ACAD10: variants seen among roughly 807,000 people sequenced by gnomAD.
The protein encoded by ACAD10 is acyl-CoA dehydrogenase family member 10.
Under a neutral mutation model 116.8 loss-of-function variants are expected in ACAD10, and 112 were observed. The observed-to-expected ratio is 0.96, with a 90% CI of 0.82 to 1.12. ACAD10 has a LOEUF of 1.12. Among genes scored for constraint, ACAD10 ranks in the 50% most tolerant of loss-of-function variants. ACAD10 has a pLI of 0.00. For missense variants in ACAD10, 1,259 were observed against 1,350.2 expected, an observed-to-expected ratio of 0.93 and a Z score of 1.06; for synonymous variants, 486 against 510.6, an observed-to-expected ratio of 0.95 and a Z score of 0.65.
chr12:111,721,732 G>T lies in ACAD10; in HGVS notation c.1054G>T (p.Asp352Tyr). The change falls in exon 8 of 21, where the codon GAT becomes TAT. Residue 352 changes from aspartate (D) to tyrosine (Y), a missense_variant. Coordinates refer to ENST00000313698, the MANE Select transcript of ACAD10 (RefSeq NM_025247.6). Reference protein sequence around the residue: ...PVPNVLDLCEDSSVIGTPFYV... With the variant: ...PVPNVLDLCEYSSVIGTPFYV... ...CCCTAACGTTCTTGATCTCTGTGAAGATTCAAGGTAAAGTTCAGATGTTTT... is the reference window on the plus strand; with the variant it reads ...CCCTAACGTTCTTGATCTCTGTGAATATTCAAGGTAAAGTTCAGATGTTTT... 6.3e-7 allele frequency: 1 copy of T among 1,596,684 alleles called. No homozygotes were observed. The highest frequency in any genetic ancestry group is 1.1e-5 in the South Asian group (1 of 89,470).
At chr12:111,755,337 C>A (rs1198052962) in intron 19 of ACAD10, among the ~76,000 whole-genome samples, 4 of 152,170 alleles carry the variant, frequency 2.6e-5, no homozygotes, top group Non-Finnish European at 5.9e-5. Context: ...AACTCCTGAC[C>A]TCAGGTGATC....
intron 7 of ACAD10, 73 bp from the exon 8 acceptor site, chr12:111,721,598 C>T: frequency 7.2e-7 from 1 of 1,386,704 alleles, no homozygotes; most frequent in Non-Finnish European, 1.0e-6. Context: ...AAACAAAAAA[C>T]AAAGAAAAGT....
chr12:111,706,094 T>A (rs1593021741), intron 4 of ACAD10, among the ~76,000 whole-genome samples, 162 bp downstream of exon 4: 1 of 152,340 alleles, frequency 6.6e-6, no homozygotes, highest in African/African-American at 2.4e-5. Context: ...ACAGACCCTT[T>A]AAGATATCAC....
At chr12:111,711,422 C>T (rs539009829) in intron 5 of ACAD10, among the ~76,000 whole-genome samples, 1 of 151,922 alleles carries the variant, frequency 6.6e-6, no homozygotes, top group South Asian at 2.1e-4. Context: ...AGGATGGTCT[C>T]GATCTCTCGA....
In ACAD10 at chr12:111,711,354, C is replaced by T. The variant is rs377291838; in HGVS notation, c.691-1144C>T. On this transcript the variant is annotated intron_variant, in intron 5 of 20. Coordinates refer to ENST00000313698, the MANE Select transcript of ACAD10 (RefSeq NM_025247.6). The stretch of plus-strand genomic sequence containing the variant: ...TAGCTGGGACTACAGGCATCCACTA[C>T]CACGCCCAGCTAATTTTTTTGTATT... 3.0e-4 allele frequency among the ~76,000 whole-genome samples: 44 copies of T among 146,250 alleles called. No individual in the cohort carries two copies. The East Asian group carries it at 3.3e-3, about 11-fold the overall frequency.
chr12:111,711,866 T>C (rs1259997416), intron 5 of ACAD10, among the ~76,000 whole-genome samples: 1 of 152,250 alleles, frequency 6.6e-6, no homozygotes, highest in Non-Finnish European at 1.5e-5. Context: ...ATGTATTTTA[T>C]GTTTTTAGTT....
rs371833332 is a variant in ACAD10, at chr12:111,747,194, G to C, written c.2394+8G>C. The C allele has an allele frequency of 6.2e-7, 1 of 1,607,898 alleles. No homozygotes were observed. The highest frequency in any genetic ancestry group is 1.3e-5 in the African/African-American group (1 of 74,824). ...GCTATGACCGAGCCCCAGGTACGTC[G>C]CCTGGGCTGCCACCCACTTGCCTGG... On this transcript the variant is annotated splice_region_variant and intron_variant, in intron 15 of 20. Coordinates refer to ENST00000313698, the MANE Select transcript of ACAD10 (RefSeq NM_025247.6).
At chr12:111,689,689 T>G (rs961055484) in intron 1 of ACAD10, among the ~76,000 whole-genome samples, 26 of 151,646 alleles carry the variant, frequency 1.7e-4, no homozygotes, top group African/African-American at 5.8e-4. Context: ...TGTGTGTTTG[T>G]TTTGTTTTGT....
Position 111,747,155 on chromosome 12 carries a change from C to A in ACAD10, c.2363C>A (p.Ala788Asp). The A allele has an allele frequency of 6.2e-7, 1 of 1,612,470 alleles. No homozygotes were observed. Among genetic ancestry groups the A allele is most frequent in the South Asian group, 1.1e-5 (1 of 90,938 alleles). Reference sequence around the variant, plus strand: ...CTGATTCCTCTGCTGGAGGGGAAAGCCCGCTCCTGTTTTGCTATGACCGAG... The same window carrying A: ...CTGATTCCTCTGCTGGAGGGGAAAGACCGCTCCTGTTTTGCTATGACCGAG... The part of the protein sequence containing the change: ...RWLIPLLEGK[A>D]RSCFAMTEPQ... The change falls in exon 15 of 21, where the codon GCC (alanine) becomes GAC (aspartate). Residue 788 changes from alanine to aspartate, a missense_variant. Physicochemically the swap from Ala to Asp is moderately radical, Grantham distance 126. Coordinates refer to ENST00000313698, the MANE Select transcript of ACAD10 (RefSeq NM_025247.6).
intron 8 of ACAD10, among the ~76,000 whole-genome samples, chr12:111,726,905 C>G (rs1215743613): frequency 6.6e-6 from 1 of 150,870 alleles, no homozygotes; most frequent in African/African-American, 2.4e-5. Context: ...CAGGGTCACT[C>G]TTCAACTAAG....
At position 111,686,065 on chromosome 12, in the gene ACAD10, G is replaced by A. The variant is rs1166755097; in HGVS notation, c.-188G>A. The A allele has an allele frequency of 8.4e-6, 2 of 239,314 alleles. No individual in the cohort carries two copies. Among genetic ancestry groups the A allele is most frequent in the African/African-American group, 4.5e-5 (2 of 44,156 alleles). 14.8% of individuals were successfully genotyped at this position (239,314 alleles called of 1,614,324 possible). A position where few individuals can be genotyped will look rare whatever the true frequency, so the allele number is the denominator to read the frequency against. On this transcript the variant is annotated 5_prime_UTR_variant, in exon 1 of 21. Transcript: ENST00000313698. Reference sequence around the variant, plus strand: ...GCAGGGGTCACCCACTGCTCTTCCGGACGCAATTTTGAGGAGGTCGGAGCG... The same window carrying A: ...GCAGGGGTCACCCACTGCTCTTCCGAACGCAATTTTGAGGAGGTCGGAGCG...
intron 8 of ACAD10, among the ~76,000 whole-genome samples, chr12:111,727,352 G>A (rs1186559005): frequency 6.6e-6 from 1 of 151,896 alleles, no homozygotes; most frequent in Non-Finnish European, 1.5e-5. Context: ...GTGAAATCCT[G>A]TCTCTACTCA....
chr12:111,702,208 C>A lies in ACAD10; in HGVS notation c.234C>A (p.Ala78=), dbSNP rs769670356. ...TCCCTTCTGGAACTATATTAAAGGC[C>A]TTGATGGAAGGTGGTGAAAATGGGC... The part of the protein sequence containing the change: ...NRIPSGTILK[A]LMEGGENGPW... The change falls in exon 3 of 21, where the codon GCC becomes GCA. Residue 78 remains alanine, a synonymous_variant. Transcript: ENST00000313698. 3.7e-6 allele frequency: 6 copies of A among 1,613,970 alleles called. No homozygotes were observed. The highest frequency in any genetic ancestry group is 3.4e-6 in the Non-Finnish European group (4 of 1,180,002).
At chr12:111,735,586 G>C (rs1655077921) in intron 11 of ACAD10, among the ~76,000 whole-genome samples, 1 of 151,680 alleles carries the variant, frequency 6.6e-6, no homozygotes, top group African/African-American at 2.4e-5. Flanking sequence ...CTCCTAAGTA[G>C]CTGGGACTAC....
chr12:111,743,174 A>T (rs1166435675), intron 12 of ACAD10, among the ~76,000 whole-genome samples: 1 of 152,156 alleles, frequency 6.6e-6, no homozygotes, highest in Non-Finnish European at 1.5e-5. Flanking sequence ...AGCAATCTGG[A>T]TGTGTCTCAG....
intron 5 of ACAD10, chr12:111,710,418 C>A: frequency 2.8e-6 from 1 of 352,148 alleles, no homozygotes; most frequent in Non-Finnish European, 5.8e-6. Context: ...TTTTCATCGT[C>A]GAGCTGATGG....
intron 17 of ACAD10, 91 bp downstream of exon 17, chr12:111,748,566 C>A: frequency 7.1e-7 from 1 of 1,406,106 alleles, no homozygotes; most frequent in Admixed American, 1.8e-5. Context: ...CAGGACTTGC[C>A]ACATCCCACG....
rs371506983 is a variant in ACAD10, at chr12:111,756,359, C to T, written c.3066C>T (p.Ser1022=). 1.9e-6 allele frequency: 3 copies of T among 1,609,422 alleles called. No individual in the cohort carries two copies. The highest frequency in any genetic ancestry group is 1.3e-5 in the African/African-American group (1 of 74,850). The change falls in exon 21 of 21, where the codon AGC becomes AGT. Residue 1022 remains serine (S), a synonymous_variant. Transcript: ENST00000313698. ...CCTTTGGAGCAGCAGGCCTGAGCAG[C>T]GACTACCCACTGGCTCAGTTCTTCA... ...IQAFGAAGLS[S]DYPLAQFFTW...
intron 2 of ACAD10, among the ~76,000 whole-genome samples, chr12:111,695,374 A>G (rs1429505106): frequency 1.3e-5 from 2 of 152,208 alleles, no homozygotes. Context: ...ACTAACTTCA[A>G]GAGTCCTCTT....
Sources: gnomAD v4.1 joint callset for allele counts (sites outside exome capture counted in the v4.1 genomes callset) on GRCh38, gnomAD v4.1.1 for gene constraint, MANE v1.5 for transcripts, NCBI Gene and HGNC (gene_info 2026-07-23, HGNC 2026-07-21) for gene names.